ASPM: variants seen among roughly 807,000 people sequenced by gnomAD.
ASPM encodes the protein abnormal spindle-like microcephaly-associated protein.
Under a neutral mutation model 366.4 loss-of-function variants are expected in ASPM, and 256 were observed. The observed-to-expected ratio is 0.70, with a 90% CI of 0.63 to 0.77. The LOEUF is 0.77. ASPM is among the 30% of genes least tolerant of loss of function. ASPM has a pLI of 0.00. For missense variants in ASPM, 4,146 were observed against 4,090.4 expected, an observed-to-expected ratio of 1.01 and a Z score of -0.37; for synonymous variants, 1,414 against 1,342.9, an observed-to-expected ratio of 1.05 and a Z score of -1.16.
chr1:197,136,030 G>A (rs1172764124), intron 4 of ASPM, among the ~76,000 whole-genome samples: 1 of 152,168 alleles, frequency 6.6e-6, no homozygotes, highest in Non-Finnish European at 1.5e-5. Context: ...AAGGGATCTG[G>A]ATAACATTAG....
intron 19 of ASPM, 140 bp from the exon 20 acceptor site, chr1:197,094,320 A>T (rs1238842859): frequency 6.5e-6 from 4 of 615,044 alleles, no homozygotes; most frequent in Non-Finnish European, 1.2e-5. Context: ...GTGGGCAAGT[A>T]TAATTCATAG....
Position 197,104,044 on chromosome 1 carries a change from T to C in ASPM, c.5207A>G (p.Gln1736Arg). 4.3e-6 allele frequency: 7 copies of C among 1,612,902 alleles called. No homozygotes were observed. Among genetic ancestry groups the C allele is most frequent in the South Asian group, 1.1e-5 (1 of 91,054 alleles). The change falls in exon 18 of 28, where the codon CAA (glutamine) becomes CGA (arginine). Residue 1736 changes from glutamine (Q) to arginine (R), a missense_variant. Physicochemically the swap from Gln to Arg is conservative, Grantham distance 43. This residue lies in a region of ASPM where 3,624 missense variants were observed against 3,591.7 expected (regional missense o/e 1.01). Coordinates refer to ENST00000367409, the MANE Select transcript of ASPM (RefSeq NM_018136.5). ...MQMRESCIKL[Q>R]AFVRGYLVRK... is the part of the protein sequence containing the mutation. ...GACAAGGTATCCTCTAACAAATGCT[T>C]GCAGTTTGATACAAGATTCCCGCAT...
intron 21 of ASPM, among the ~76,000 whole-genome samples, 174 bp from the exon 22 acceptor site, chr1:197,092,230 C>T (rs1656808918): frequency 6.6e-6 from 1 of 151,568 alleles, no homozygotes; most frequent in Non-Finnish European, 1.5e-5. Context: ...TTGTACTATA[C>T]AATATTTCCA....
At chr1:197,105,333 T>C (rs1160950379) in intron 17 of ASPM, 148 bp from the exon 18 acceptor site, 1 of 728,330 alleles carries the variant, frequency 1.4e-6, no homozygotes, top group Admixed American at 2.8e-5. Flanking sequence ...ATTTGTCTCT[T>C]TTGTTTTTAG....
At chr1:197,123,571 C>A (rs1250094913) in intron 13 of ASPM, among the ~76,000 whole-genome samples, 1 of 152,092 alleles carries the variant, frequency 6.6e-6, no homozygotes, top group Non-Finnish European at 1.5e-5. Flanking sequence ...TATTGCAAGG[C>A]TTACCATATT....
At position 197,140,150 on chromosome 1, in the gene ASPM, C is replaced by A. The variant is rs946384571; in HGVS notation, c.1922-279G>T. Among the ~76,000 whole-genome samples, 6 of 152,204 alleles carry A rather than the reference C, an allele frequency of 3.9e-5. 1 individual carries two copies. The South Asian group carries it at 8.3e-4, about 21-fold the overall frequency. On this transcript the variant is annotated intron_variant, in intron 3 of 27. Transcript: ENST00000367409. ...GTGTCTGTATATTCCAGACTCTCTA[C>A]GAGGTGCTGAGAATATGCAGAATTG...
At chr1:197,109,016 T>C (rs1657499902) in intron 17 of ASPM, among the ~76,000 whole-genome samples, 1 of 146,320 alleles carries the variant, frequency 6.8e-6, no homozygotes, top group African/African-American at 2.5e-5. Flanking sequence ...ATGTTTGAGA[T>C]GATGAATATG....
intron 4 of ASPM, 94 bp from the exon 5 acceptor site, chr1:197,135,336 T>C: frequency 8.3e-7 from 1 of 1,205,118 alleles, no homozygotes; most frequent in Non-Finnish European, 1.2e-6. Context: ...ATACCATCTT[T>C]AAAACACTGA....
Position 197,103,308 on chromosome 1 carries a change from A to G in ASPM, c.5943T>C (p.Tyr1981=), listed in dbSNP as rs771119573. 3.7e-6 allele frequency: 6 copies of G among 1,613,046 alleles called. No individual in the cohort carries two copies. The highest frequency in any genetic ancestry group is 2.7e-5 in the African/African-American group (2 of 74,828). The change falls in exon 18 of 28, where the codon TAT becomes TAC. Residue 1981 remains tyrosine, a synonymous_variant. Transcript: ENST00000367409. The part of the protein sequence containing the change: ...HKCAIIIQSY[Y]RMHVQQKKWK... Reference sequence around the variant, plus strand: ...ACTTCTTTTGTTGCACATGCATTCTATAGTATGACTGTATGATGATAGCAC... The same window carrying G: ...ACTTCTTTTGTTGCACATGCATTCTGTAGTATGACTGTATGATGATAGCAC...
At chr1:197,084,955 A>G (rs1460363825) in intron 27 of ASPM, among the ~76,000 whole-genome samples, 1 of 152,078 alleles carries the variant, frequency 6.6e-6, no homozygotes, top group Non-Finnish European at 1.5e-5. Context: ...CATATGCTCT[A>G]ACACAGTCAT....
At chr1:197,122,763 A>T (rs1262770274) in intron 13 of ASPM, among the ~76,000 whole-genome samples, 168 bp from the exon 14 acceptor site, 4 of 152,152 alleles carry the variant, frequency 2.6e-5, no homozygotes, top group Non-Finnish European at 4.4e-5. Context: ...AGAAAAAAAT[A>T]AAAGAGTATC....
At chr1:197,138,634 A>AT (rs1658489215) in intron 4 of ASPM, 2 of 490,246 alleles carry the variant, frequency 4.1e-6, no homozygotes. Context: ...ATATACAATA[A>AT]GCAAGCCAAT....
chr1:197,139,431 C>T (rs1396706189), intron 4 of ASPM: 4 of 555,256 alleles, frequency 7.2e-6, no homozygotes, highest in African/African-American at 1.9e-5. Context: ...CCCGTCTCCA[C>T]TAAAAATACA....
rs774896010 is a variant in ASPM at position 197,103,608 on chromosome 1, G to A, written c.5643C>T (p.Leu1881=). Residue 1881 remains leucine, a synonymous_variant, in exon 18 of 28, where the codon CTC becomes CTT. Transcript: ENST00000367409. ...FLKTKAAVIS[L]QSAYRGWKVR... is the part of the protein sequence containing the mutation. ...CCTTCCAGCCACGATAAGCAGACTG[G>A]AGGGAAATCACAGCTGCCTTTGTCT... The A allele has an allele frequency of 1.9e-6, 3 of 1,612,752 alleles. No individual in the cohort carries two copies. Among genetic ancestry groups the A allele is most frequent in the Non-Finnish European group, 2.5e-6 (3 of 1,179,426 alleles).
intron 17 of ASPM, among the ~76,000 whole-genome samples, chr1:197,108,217 G>GA (rs71286568): frequency 0.41 from 61,399 of 150,156 alleles, 13,856 homozygotes; most frequent in East Asian, 0.82. Flanking sequence ...TGAACTGAAT[G>GA]AAAAAAAAAT....
chr1:197,103,246 T>C lies in ASPM; in HGVS notation c.6005A>G (p.Lys2002Arg), dbSNP rs371325877. Residue 2002 changes from lysine (K) to arginine (R), a missense_variant, in exon 18 of 28, where the codon AAG becomes AGG. This residue lies in a region of ASPM where 3,624 missense variants were observed against 3,591.7 expected (regional missense o/e 1.01). Coordinates refer to ENST00000367409, the MANE Select transcript of ASPM (RefSeq NM_018136.5). ...IMKKAALLIQ[K>R]YYRAYSIGRE... ...TCCAATACTGTAAGCCCTATAATAC[T>C]TTTGAATCAGAAGAGCAGCTTTTTT... The C allele has an allele frequency of 1.9e-5, 31 of 1,612,824 alleles. No individual in the cohort carries two copies. The African/African-American group carries it at 3.6e-4, about 19-fold the overall frequency.
chr1:197,143,514 GGTA>G lies in ASPM; in HGVS notation c.735_737del (p.Thr246del). 2 of 1,613,956 alleles carry G rather than the reference GGTA, an allele frequency of 1.2e-6. No individual in the cohort carries two copies. The highest frequency in any genetic ancestry group is 1.7e-6 in the Non-Finnish European group (2 of 1,179,932). On this transcript the variant is annotated inframe_deletion, in exon 3 of 28. Coordinates refer to ENST00000367409, the MANE Select transcript of ASPM (RefSeq NM_018136.5). Reference sequence around the variant, plus strand: ...TTTCTGATGCATGAAGAGATGAGTAGGTAGTAGATCGACGTACAGAGAGTGGCA... The same window carrying G: ...TTTCTGATGCATGAAGAGATGAGTAGGTAGATCGACGTACAGAGAGTGGCA...
chr1:197,085,874 A>C (rs1656574537), intron 27 of ASPM, among the ~76,000 whole-genome samples: 1 of 152,186 alleles, frequency 6.6e-6, no homozygotes, highest in South Asian at 2.1e-4. Flanking sequence ...GCATACATTT[A>C]AAGGATGCAT....
intron 4 of ASPM, among the ~76,000 whole-genome samples, chr1:197,136,401 C>T (rs1658421772): frequency 6.6e-6 from 1 of 151,970 alleles, no homozygotes; most frequent in Non-Finnish European, 1.5e-5. Context: ...TTTTTATTTT[C>T]TACATGATTT....
Sources: allele counts gnomAD v4.1 joint callset (sites outside exome capture counted in the v4.1 genomes callset), GRCh38; gene constraint gnomAD v4.1.1; regional missense constraint gnomAD v4.1.1; transcripts MANE v1.5; gene names NCBI Gene and HGNC (gene_info 2026-07-23, HGNC 2026-07-21).